STRBP: variants seen among roughly 807,000 people sequenced by gnomAD.
STRBP encodes the protein spermatid perinuclear RNA-binding protein.
STRBP carries 13 observed loss-of-function variants against 80.1 expected under a neutral mutation model. The ratio of observed to expected loss-of-function variants is 0.16; its 90% CI spans 0.11 to 0.26. The LOEUF is 0.26. STRBP is among the 10% of genes least tolerant of loss of function. The pLI is 1.00. For missense variants in STRBP, 485 were observed against 815.2 expected, an observed-to-expected ratio of 0.59 and a Z score of 4.93; for synonymous variants, 284 against 291.2, an observed-to-expected ratio of 0.98 and a Z score of 0.25.
intron 12 of STRBP, 69 bp from the exon 13 acceptor site, chr9:123,147,123 T>C: frequency 1.4e-6 from 2 of 1,456,166 alleles, no homozygotes; most frequent in Non-Finnish European, 1.9e-6. Context: ...GTTTTTGGGG[T>C]TCCTAGTAAC....
In STRBP at chr9:123,200,734, ATTTTTTTTT is replaced by A. The variant is rs71390418; in HGVS notation, c.-164-16445_-164-16437del. 5.1e-4 allele frequency among the ~76,000 whole-genome samples: 19 copies of A among 37,512 alleles called. 1 individual carries two copies. The highest frequency in any genetic ancestry group is 2.8e-3 in the Admixed American group (5 of 1,804). 24.6% of individuals were successfully genotyped at this position (37,512 alleles called of 152,430 possible). A position where few individuals can be genotyped will look rare whatever the true frequency, so the allele number is the denominator to read the frequency against. ...AGGCGCCCCGCCACACACCCCGCTA[ATTTTTTTTT>A]TTTTTTTTTTTTTTTTTTTAGTAGA... On this transcript the variant is annotated intron_variant, in intron 2 of 18. Coordinates refer to ENST00000348403, the MANE Select transcript of STRBP (RefSeq NM_018387.5).
intron 6 of STRBP, among the ~76,000 whole-genome samples, chr9:123,168,696 G>T (rs10985894): frequency 0.031 from 4,659 of 152,296 alleles, 99 homozygotes; most frequent in African/African-American, 0.044. Context: ...CACTGGCCCA[G>T]ATAGGCTGCA....
intron 11 of STRBP, among the ~76,000 whole-genome samples, chr9:123,156,254 C>G (rs1373779811): frequency 1.3e-5 from 2 of 152,020 alleles, no homozygotes; most frequent in Admixed American, 6.6e-5. Flanking sequence ...AATGCACAGA[C>G]AATGCTTGAT....
At chr9:123,217,270 T>C (rs911732465) in intron 2 of STRBP, among the ~76,000 whole-genome samples, 16 of 151,678 alleles carry the variant, frequency 1.1e-4, no homozygotes, top group Admixed American at 8.5e-4. Context: ...AATGATAGAG[T>C]AGAAGGATAA....
intron 2 of STRBP, among the ~76,000 whole-genome samples, chr9:123,228,900 G>A (rs544904190): frequency 1.3e-5 from 2 of 152,068 alleles, no homozygotes; most frequent in South Asian, 2.1e-4. Flanking sequence ...TGTTCACGGC[G>A]GCATTTTTTG....
chr9:123,157,760 G>A (rs1337187651), intron 11 of STRBP, among the ~76,000 whole-genome samples: 2 of 151,954 alleles, frequency 1.3e-5, no homozygotes, highest in Non-Finnish European at 2.9e-5. Context: ...ACAACAGCAT[G>A]GAGGTAACTG....
intron 12 of STRBP, 78 bp downstream of exon 12, chr9:123,147,700 C>T (rs1406415713): frequency 3.6e-6 from 2 of 558,132 alleles, no homozygotes; most frequent in East Asian, 4.9e-5. Flanking sequence ...AAAAAAAAAA[C>T]CCTTCACTTT....
At chr9:123,111,594 C>T in intron 3 of STRBP, 1 of 479,978 alleles carries the variant, frequency 2.1e-6, no homozygotes, top group South Asian at 1.5e-5. Flanking sequence ...AACTCCACTG[C>T]CTGACAGACA....
chr9:123,125,583 G>C lies in STRBP; in HGVS notation c.*14C>G, dbSNP rs1476177640. 6.2e-7 allele frequency: 1 copy of C among 1,611,472 alleles called. No homozygotes were observed. The highest frequency in any genetic ancestry group is 1.3e-5 in the African/African-American group (1 of 74,738). On this transcript the variant is annotated 3_prime_UTR_variant, in exon 19 of 19. Transcript: ENST00000348403. The stretch of plus-strand genomic sequence containing the variant: ...CTGTATTGTTGTTCAATAGGAATTA[G>C]CTTCTGTCATTTGCTAAAAGAATGA...
intron 2 of STRBP, among the ~76,000 whole-genome samples, chr9:123,199,864 T>C (rs2039248205): frequency 6.6e-6 from 1 of 152,216 alleles, no homozygotes; most frequent in Admixed American, 6.5e-5. Flanking sequence ...TTTATTTCTT[T>C]CTCTTGCCTA....
chr9:123,125,011 A>G lies in STRBP; in HGVS notation c.*586T>C, dbSNP rs1355464789. On this transcript the variant is annotated 3_prime_UTR_variant, in exon 19 of 19. Coordinates refer to ENST00000348403, the MANE Select transcript of STRBP (RefSeq NM_018387.5). ...ATTCCTTGTAATTTGATACCAAAAC[A>G]TATCAAAAATAATAAGCTAAAACAA... The G allele has an allele frequency of 6.1e-6, 6 of 985,072 alleles. No individual in the cohort carries two copies. Among genetic ancestry groups the G allele is most frequent in the Non-Finnish European group, 7.2e-6 (6 of 829,302 alleles). 61.0% of individuals were successfully genotyped at this position (985,072 alleles called of 1,614,324 possible).
intron 2 of STRBP, among the ~76,000 whole-genome samples, chr9:123,185,512 C>G (rs1259009617): frequency 6.6e-6 from 1 of 152,168 alleles, no homozygotes; most frequent in Non-Finnish European, 1.5e-5. Flanking sequence ...TTCATGGGAT[C>G]CTTTTGGACA....
At chr9:123,142,191 T>A (rs2036617216) in intron 13 of STRBP, among the ~76,000 whole-genome samples, 1 of 152,152 alleles carries the variant, frequency 6.6e-6, no homozygotes, top group Non-Finnish European at 1.5e-5. Context: ...TGGGAGGTGA[T>A]TGGATCATAG....
At chr9:123,268,027 G>A (rs1261651750) in intron 1 of STRBP, among the ~76,000 whole-genome samples, 3 of 42,658 alleles carry the variant, frequency 7.0e-5, no homozygotes, top group African/African-American at 1.0e-4. Flanking sequence ...CCTGCCCCCC[G>A]AAGCCTCTCC....
At chr9:123,251,279 G>A (rs193242566) in intron 1 of STRBP, among the ~76,000 whole-genome samples, 13 of 152,112 alleles carry the variant, frequency 8.5e-5, no homozygotes, top group East Asian at 3.9e-4. Flanking sequence ...ACAAGAGAAC[G>A]GACGGCACTT....
intron 17 of STRBP, among the ~76,000 whole-genome samples, chr9:123,129,932 A>G (rs764617445): frequency 1.3e-5 from 2 of 152,230 alleles, no homozygotes; most frequent in African/African-American, 2.4e-5. Context: ...AGCAGTAGGA[A>G]GAGGAGACAG....
At chr9:123,195,904 G>T (rs2039074866) in intron 2 of STRBP, among the ~76,000 whole-genome samples, 1 of 152,136 alleles carries the variant, frequency 6.6e-6, no homozygotes, top group South Asian at 2.1e-4. Context: ...ACTATCGTGA[G>T]TAAAAAGAAC....
intron 1 of STRBP, among the ~76,000 whole-genome samples, chr9:123,256,195 T>C (rs528270535): frequency 1.3e-5 from 2 of 151,838 alleles, no homozygotes; most frequent in Non-Finnish European, 2.9e-5. Context: ...AGCTACTTTG[T>C]TTCTATAAAG....
In STRBP at chr9:123,128,296, C is replaced by T. The variant is rs778412099; in HGVS notation, c.1898-38G>A. 22 of 1,613,482 alleles carry T rather than the reference C, an allele frequency of 1.4e-5. No homozygotes were observed. In the South Asian group the frequency reaches 2.4e-4, roughly 18 times the overall value. On this transcript the variant is annotated intron_variant, in intron 17 of 18. Coordinates refer to ENST00000348403, the MANE Select transcript of STRBP (RefSeq NM_018387.5). Reference sequence around the variant, plus strand: ...AGAAGAAGGCAGATCAGTCCAAGACCCAGGGCAATCATCACTGGCCCAATT... The same window carrying T: ...AGAAGAAGGCAGATCAGTCCAAGACTCAGGGCAATCATCACTGGCCCAATT...
Sources: gnomAD v4.1 joint callset for allele counts (sites outside exome capture counted in the v4.1 genomes callset) on GRCh38, gnomAD v4.1.1 for gene constraint, MANE v1.5 for transcripts, NCBI Gene and HGNC (gene_info 2026-07-23, HGNC 2026-07-21) for gene names.